PRICKLE2: variants seen among roughly 807,000 people sequenced by gnomAD.
PRICKLE2 encodes prickle planar cell polarity protein 2, also known as prickle-like protein 2.
A neutral mutation model predicts 81.4 loss-of-function variants in PRICKLE2; 21 were observed. The observed-to-expected ratio is 0.26, with a 90% confidence interval of 0.18 to 0.37. The LOEUF (loss-of-function observed/expected upper bound fraction) is 0.37. PRICKLE2 is among the 10% of genes least tolerant of loss of function. The pLI is 1.00. For synonymous variants in PRICKLE2, 456 were observed against 421.5 expected, an observed-to-expected ratio of 1.08 and a Z score of -1.00; for missense variants, 940 against 1,109.0, an observed-to-expected ratio of 0.85 and a Z score of 2.16.
intron 5 of PRICKLE2, among the ~76,000 whole-genome samples, chr3:64,155,490 A>G (rs2077620099): frequency 6.6e-6 from 1 of 152,224 alleles, no homozygotes; most frequent in African/African-American, 2.4e-5. Context: ...ATTCCCTCAA[A>G]AAGTTAAACT....
rs1410196304 is a variant in PRICKLE2, at chr3:64,239,329, A to G, written c.129-40362T>C. ...GGAAGGGCTGTTAGGAGCGTGGCCA[A>G]AACAGAGATACACAGAGGAGGTTCA... On this transcript the variant is annotated intron_variant, in intron 2 of 8. Coordinates refer to the PRICKLE2 transcript ENST00000295902. Among the ~76,000 whole-genome samples the G allele has an allele frequency of 2.6e-5, 4 of 152,302 alleles. No homozygotes were observed. The South Asian group carries it at 8.3e-4, about 32-fold the overall frequency.
intron 7 of PRICKLE2, among the ~76,000 whole-genome samples, chr3:64,111,383 C>T (rs1173599512): frequency 1.3e-5 from 2 of 151,998 alleles, no homozygotes; most frequent in East Asian, 1.9e-4. Context: ...GATGATTTGC[C>T]CAAGGTCATA....
Position 64,099,440 on chromosome 3 carries a change from G to C in PRICKLE2, c.2146C>G (p.Pro716Ala). Reference protein sequence around the residue: ...EAISRLKDRPPLRAREDYDQF... With the variant: ...EAISRLKDRPALRAREDYDQF... ...TCATAGTCCTCCCTGGCTCTCAGAGGGGGCCTATCTTTTAACCGGGAGATG... is the reference window on the plus strand; with the variant it reads ...TCATAGTCCTCCCTGGCTCTCAGAGCGGGCCTATCTTTTAACCGGGAGATG... The change falls in exon 8 of 8, where the codon CCT becomes GCT. Residue 716 changes from proline (P) to alanine (A), a missense_variant. Transcript: ENST00000638394. This position sits in a 1 kb window ranked among gnomAD's most constrained non-coding sequence, Gnocchi z 4.3. The C allele has an allele frequency of 6.3e-7, 1 of 1,587,556 alleles. No homozygotes were observed. Among genetic ancestry groups the C allele is most frequent in the Non-Finnish European group, 8.6e-7 (1 of 1,163,838 alleles).
chr3:64,094,267 C>T lies in PRICKLE2; in HGVS notation c.*4784G>A, dbSNP rs1160434591. ...CAGGGTCTATGACAGAATCATGACA[C>T]TTTATGGAAAGATATGAAAATCAAC... is the stretch of plus-strand genomic sequence containing the variant. On this transcript the variant is annotated 3_prime_UTR_variant, in exon 8 of 8. Coordinates refer to ENST00000638394, the MANE Select transcript of PRICKLE2 (RefSeq NM_198859.4). The T allele has an allele frequency of 6.6e-6, 1 of 152,180 alleles. No homozygotes were observed. Among genetic ancestry groups the T allele is most frequent in the African/African-American group, 2.4e-5 (1 of 41,434 alleles). The allele number at this position is 152,180 out of a possible 1,614,324, so 9.4% of individuals were successfully genotyped here. A position where few individuals can be genotyped will look rare whatever the true frequency, so the allele number is the denominator to read the frequency against.
In PRICKLE2 at chr3:64,147,238, G is replaced by C. The variant is rs2077471659; in HGVS notation, c.1252C>G (p.Leu418Val). 1 of 1,608,734 alleles carries C rather than the reference G, an allele frequency of 6.2e-7. No homozygotes were observed. Among genetic ancestry groups the C allele is most frequent in the Admixed American group, 1.7e-5 (1 of 59,704 alleles). Reference sequence around the variant, plus strand: ...GTTCTGATGTTGCACTGGCTGAGGAGCTGCAGAGGGCTCTGGGTCTGGTTC... The same window carrying C: ...GTTCTGATGTTGCACTGGCTGAGGACCTGCAGAGGGCTCTGGGTCTGGTTC... ...EQNQTQSPLQ[L>V]LSQCNIRTSY... The change falls in exon 7 of 8, where the codon CTC becomes GTC. Residue 418 changes from leucine to valine, a missense_variant. Leu to Val is a conservative substitution (Grantham distance 32). Coordinates refer to ENST00000638394, the MANE Select transcript of PRICKLE2 (RefSeq NM_198859.4). This position sits in a 1 kb window ranked among gnomAD's most constrained non-coding sequence, Gnocchi z 5.0.
At chr3:64,249,746 G>C (rs190531595) in intron 2 of PRICKLE2, among the ~76,000 whole-genome samples, 1 of 152,306 alleles carries the variant, frequency 6.6e-6, no homozygotes, top group East Asian at 1.9e-4. Flanking sequence ...ACTACTTGCT[G>C]TCTTGTAGTT....
intron 2 of PRICKLE2, among the ~76,000 whole-genome samples, chr3:64,191,454 G>A (rs540377211): frequency 3.9e-5 from 6 of 152,088 alleles, no homozygotes; most frequent in Non-Finnish European, 8.8e-5. Context: ...TAATAGTACC[G>A]GCTCCAAAGT....
chr3:64,124,521 C>T (rs1056746251), intron 7 of PRICKLE2, among the ~76,000 whole-genome samples: 3 of 152,178 alleles, frequency 2.0e-5, no homozygotes, highest in Non-Finnish European at 2.9e-5. Flanking sequence ...GACCTCAAAG[C>T]TTCAAAGGAC....
chr3:64,179,039 T>C (rs1038361020), intron 2 of PRICKLE2, among the ~76,000 whole-genome samples: 16 of 140,972 alleles, frequency 1.1e-4, no homozygotes, highest in Non-Finnish European at 1.9e-4. Context: ...TTCTTTCTTT[T>C]CTTTCCTTCT....
intron 6 of PRICKLE2, among the ~76,000 whole-genome samples, chr3:64,152,123 G>A (rs1047102616): frequency 1.6e-4 from 24 of 152,154 alleles, no homozygotes; most frequent in Non-Finnish European, 2.2e-4. Flanking sequence ...CACTTCTTAT[G>A]AACCAAGAAA....
chr3:64,161,714 T>G (rs1376540746), intron 3 of PRICKLE2, among the ~76,000 whole-genome samples: 1 of 89,008 alleles, frequency 1.1e-5, no homozygotes, highest in Non-Finnish European at 2.3e-5. Context: ...ATAAAAAGAG[T>G]TAAAAAAAAA....
chr3:64,251,066 T>C (rs1452626518), intron 2 of PRICKLE2, among the ~76,000 whole-genome samples: 1 of 152,208 alleles, frequency 6.6e-6, no homozygotes, highest in Non-Finnish European at 1.5e-5. Context: ...TTGTCTCTAT[T>C]GTGCACATGT....
intron 5 of PRICKLE2, among the ~76,000 whole-genome samples, chr3:64,155,592 G>A (rs111964114): frequency 9.2e-5 from 14 of 152,234 alleles, no homozygotes; most frequent in African/African-American, 2.6e-4. Context: ...TCATAGCAGC[G>A]TTGTTTAGAG....
intron 1 of PRICKLE2, among the ~76,000 whole-genome samples, chr3:64,220,500 C>G (rs1377384147): frequency 6.6e-6 from 1 of 152,158 alleles, no homozygotes; most frequent in Admixed American, 6.5e-5. Context: ...AAAGAAAGGG[C>G]TCCTGTGCTG....
intron 2 of PRICKLE2, among the ~76,000 whole-genome samples, chr3:64,233,130 T>C (rs928792884): frequency 1.4e-4 from 21 of 152,314 alleles, no homozygotes; most frequent in African/African-American, 5.1e-4. Context: ...CAAATCCCGT[T>C]AGCTCTACTG....
At position 64,141,834 on chromosome 3, in the gene PRICKLE2, T is replaced by A; in HGVS notation, c.1660+4996A>T. On this transcript the variant is annotated intron_variant, in intron 7 of 7. Transcript: ENST00000638394. ...AACACTACAGACTTATTCAATAACA[T>A]AAGTTACTGACCATGGAAGAAAAAA... 8 of 985,268 alleles carry A rather than the reference T, an allele frequency of 8.1e-6. No homozygotes were observed. The South Asian group carries it at 3.3e-4, about 40-fold the overall frequency. The allele number at this position is 985,268 out of a possible 1,614,324, so 61.0% of individuals were successfully genotyped here. A position where few individuals can be genotyped will look rare whatever the true frequency, so the allele number is the denominator to read the frequency against.
chr3:64,100,325 C>A (rs2076638810), intron 7 of PRICKLE2: 1 of 187,818 alleles, frequency 5.3e-6, no homozygotes, highest in African/African-American at 2.3e-5. Context: ...TTTGGATGAG[C>A]AAACTTTAAG....
chr3:64,220,457 C>T (rs572875041), intron 1 of PRICKLE2, among the ~76,000 whole-genome samples: 6 of 152,264 alleles, frequency 3.9e-5, no homozygotes, highest in African/African-American at 9.6e-5. Flanking sequence ...ACATACCAAC[C>T]GGAAGTGGCT....
chr3:64,132,805 C>A (rs1465117383), intron 7 of PRICKLE2, among the ~76,000 whole-genome samples: 2 of 152,180 alleles, frequency 1.3e-5, no homozygotes, highest in Non-Finnish European at 2.9e-5. Flanking sequence ...AAACCCAGTA[C>A]ATTAGAGATA....
Sources: gnomAD v4.1 joint callset for allele counts (sites outside exome capture counted in the v4.1 genomes callset) on GRCh38, gnomAD v4.1.1 for gene constraint, Gnocchi (gnomAD v3.1) non-coding constraint, MANE v1.5 for transcripts, NCBI Gene and HGNC (gene_info 2026-07-23, HGNC 2026-07-21) for gene names.